KIAA1217: variants seen among roughly 807,000 people sequenced by gnomAD.
KIAA1217 encodes KIAA1217, also known as sickle tail protein homolog.
In KIAA1217, 88 loss-of-function variants were observed where a neutral mutation model predicts 163.9. The ratio of observed to expected loss-of-function variants is 0.54; its 90% CI spans 0.45 to 0.64. The LOEUF is 0.64. KIAA1217 is among the 30% of genes least tolerant of loss of function. The probability of loss-of-function intolerance (pLI) is 0.00; values close to 1 mark genes in which losing one functional copy is unlikely to be tolerated. For synonymous variants in KIAA1217, 903 were observed against 923.1 expected, an observed-to-expected ratio of 0.98 and a Z score of 0.39; for missense variants, 2,372 against 2,475.0, an observed-to-expected ratio of 0.96 and a Z score of 0.88.
chr10:23,885,413 T>C (rs1156957523), intron 1 of KIAA1217, among the ~76,000 whole-genome samples: 1 of 151,876 alleles, frequency 6.6e-6, no homozygotes, highest in African/African-American at 2.4e-5. Flanking sequence ...GACCAACATG[T>C]CCCCATTAAA....
At chr10:23,961,101 T>G (rs1176736857) in intron 1 of KIAA1217, among the ~76,000 whole-genome samples, 1 of 152,224 alleles carries the variant, frequency 6.6e-6, no homozygotes, top group Non-Finnish European at 1.5e-5. Context: ...TTTTCATAGG[T>G]CACTAAGGAC....
At chr10:23,971,650 C>A (rs1207405120) in intron 1 of KIAA1217, among the ~76,000 whole-genome samples, 2 of 152,150 alleles carry the variant, frequency 1.3e-5, no homozygotes, top group Non-Finnish European at 2.9e-5. Context: ...TGAGAGAAAT[C>A]AAAGTATTTT....
At chr10:23,909,305 A>G (rs1842321709) in intron 1 of KIAA1217, among the ~76,000 whole-genome samples, 1 of 152,116 alleles carries the variant, frequency 6.6e-6, no homozygotes, top group Non-Finnish European at 1.5e-5. Context: ...ACCACTAAAT[A>G]ACTTACTAAT....
intron 1 of KIAA1217, among the ~76,000 whole-genome samples, chr10:23,702,027 G>A (rs994273247): frequency 6.6e-6 from 1 of 152,110 alleles, no homozygotes; most frequent in South Asian, 2.1e-4. Context: ...AGTACTTGTA[G>A]GTTACCAGGT....
At chr10:24,521,995 C>T (rs747377931) in intron 12 of KIAA1217, 66 bp downstream of exon 12, 474 of 1,541,112 alleles carry the variant, frequency 3.1e-4, no homozygotes, top group Non-Finnish European at 3.8e-4. Flanking sequence ...CGAGAGTGGA[C>T]GTTTGGGACT....
intron 1 of KIAA1217, among the ~76,000 whole-genome samples, chr10:23,724,275 AT>A (rs11300277): frequency 0.22 from 33,174 of 151,860 alleles, 3,864 homozygotes; most frequent in African/African-American, 0.29. Context: ...CTTCTTATGT[AT>A]TTTTTTTAAC....
intron 1 of KIAA1217, among the ~76,000 whole-genome samples, chr10:23,891,089 C>T (rs1191449644): frequency 6.6e-6 from 1 of 151,904 alleles, no homozygotes; most frequent in Non-Finnish European, 1.5e-5. Flanking sequence ...GAAAAGCTTC[C>T]CAACACTTGT....
intron 2 of KIAA1217, among the ~76,000 whole-genome samples, chr10:24,337,935 GC>G (rs1384962401): frequency 6.6e-6 from 1 of 152,128 alleles, no homozygotes; most frequent in Non-Finnish European, 1.5e-5. Context: ...GAGCCACCGC[GC>G]CCGGCCCGTA....
intron 15 of KIAA1217, 79 bp downstream of exon 15, chr10:24,532,072 T>A (rs1289723827): frequency 7.0e-6 from 9 of 1,285,890 alleles, no homozygotes; most frequent in African/African-American, 3.0e-5. Context: ...TGTTGGAACA[T>A]AAAAAGTAGT....
intron 1 of KIAA1217, among the ~76,000 whole-genome samples, chr10:23,945,376 A>G (rs1267049554): frequency 6.6e-6 from 1 of 152,200 alleles, no homozygotes; most frequent in African/African-American, 2.4e-5. Context: ...CACACACTAA[A>G]TACTGTATTA....
intron 10 of KIAA1217, among the ~76,000 whole-genome samples, chr10:24,517,556 T>C (rs2070391438): frequency 6.6e-6 from 1 of 152,172 alleles, no homozygotes; most frequent in Admixed American, 6.5e-5. Flanking sequence ...CCTCTTTCCT[T>C]CCCCTCTCCC....
intron 2 of KIAA1217, among the ~76,000 whole-genome samples, chr10:24,322,808 C>G (rs1447450091): frequency 6.6e-6 from 1 of 152,138 alleles, no homozygotes. Context: ...ATGAATAGGA[C>G]AGAGGGAGGT....
chr10:23,830,718 G>A (rs11013735), intron 1 of KIAA1217, among the ~76,000 whole-genome samples: 4 of 149,088 alleles, frequency 2.7e-5, no homozygotes, highest in African/African-American at 5.0e-5. Context: ...AGATAGATAG[G>A]TAGATAGATA....
At chr10:23,766,587 C>CTTTTTTTTTTTTTTTTTTTTT (rs766892555) in intron 1 of KIAA1217, among the ~76,000 whole-genome samples, 2 of 133,758 alleles carry the variant, frequency 1.5e-5, no homozygotes, top group African/African-American at 3.0e-5. Context: ...TTCTTTCTTT[C>CTTTTTTTTTTTTTTTTTTTTT]TTTTTTCTTT....
chr10:23,757,552 C>T (rs1162474917), intron 1 of KIAA1217, among the ~76,000 whole-genome samples: 1 of 152,114 alleles, frequency 6.6e-6, no homozygotes, highest in African/African-American at 2.4e-5. Flanking sequence ...GAGTCTCACT[C>T]TGTCGCCCAG....
intron 2 of KIAA1217, among the ~76,000 whole-genome samples, chr10:24,092,911 GTGTGTGTGTGTGTGTGT>G (rs1342467901): frequency 2.8e-4 from 39 of 136,958 alleles, no homozygotes; most frequent in African/African-American, 1.1e-3. Context: ...TATAGTGTGT[GTGTGTGTGTGTGTGTGT>G]TGTGTGTGTG....
chr10:23,819,763 A>C (rs1321035437), intron 1 of KIAA1217, among the ~76,000 whole-genome samples: 2 of 152,188 alleles, frequency 1.3e-5, no homozygotes, highest in Non-Finnish European at 2.9e-5. Flanking sequence ...TGAATTTTTG[A>C]ACCAGATTTC....
At chr10:23,885,788 A>G (rs1489983111) in intron 1 of KIAA1217, among the ~76,000 whole-genome samples, 2 of 151,934 alleles carry the variant, frequency 1.3e-5, no homozygotes, top group African/African-American at 4.8e-5. Context: ...GGATGGAAAT[A>G]AACTTCTCAC....
In KIAA1217 at chr10:23,695,671, G is replaced by A. The variant is rs1048738621; in HGVS notation, c.-321+437G>A. Among the ~76,000 whole-genome samples the A allele has an allele frequency of 2.0e-5, 3 of 152,302 alleles. No homozygotes were observed. Among genetic ancestry groups the A allele is most frequent in the East Asian group, 1.9e-4 (1 of 5,140 alleles). ...AGGGCATTGCTCTTTCTGATGGCTGGAAGACAGGGGCAAGGAGAGAGAGAA... is the reference window on the plus strand; with the variant it reads ...AGGGCATTGCTCTTTCTGATGGCTGAAAGACAGGGGCAAGGAGAGAGAGAA... On this transcript the variant is annotated intron_variant, in intron 1 of 18. Transcript: ENST00000376462. The surrounding 1 kb of genome is among the most constrained non-coding windows in gnomAD (Gnocchi z 4.9).
Sources: gnomAD v4.1 joint callset for allele counts (sites outside exome capture counted in the v4.1 genomes callset) on GRCh38, gnomAD v4.1.1 for gene constraint, Gnocchi (gnomAD v3.1) non-coding constraint, MANE v1.5 for transcripts, NCBI Gene and HGNC (gene_info 2026-07-23, HGNC 2026-07-21) for gene names.